The following PCDHGB2 variants were observed in gnomAD, a reference collection of about 807,000 sequenced individuals.
PCDHGB2 encodes protocadherin gamma subfamily B, 2.
In PCDHGB2, 55 loss-of-function variants were observed where a neutral mutation model predicts 59.3. The observed-to-expected ratio is 0.93, with a 90% CI of 0.75 to 1.16. PCDHGB2 has a LOEUF of 1.16. Among genes scored for constraint, PCDHGB2 ranks in the 50% most tolerant of loss-of-function variants. The probability of loss-of-function intolerance (pLI) is 0.00; values close to 1 mark genes in which losing one functional copy is unlikely to be tolerated. For missense variants in PCDHGB2, 1,228 were observed against 1,198.5 expected (o/e 1.02, Z -0.36); for synonymous variants, 516 against 512.0 (o/e 1.01, Z -0.11).
chr5:141,428,338 T>G, intron 1 of PCDHGB2: 7 of 592,492 alleles, frequency 1.2e-5, no homozygotes, highest in East Asian at 3.1e-5. Flanking sequence ...TATGCTCTTC[T>G]TCCTCGCAGT....
chr5:141,365,396 A>G lies in PCDHGB2; in HGVS notation c.2421+2840A>G, dbSNP rs554930491. ...GATCCTCACCTCTCTGACCAGTTCG[A>G]TCTCTGAAGACTGTCTTCCCGGAAC... On this transcript the variant is annotated intron_variant, in intron 1 of 3. Coordinates refer to ENST00000522605, the MANE Select transcript of PCDHGB2 (RefSeq NM_018923.3). The G allele has an allele frequency of 3.7e-6, 6 of 1,613,940 alleles. No individual in the cohort carries two copies. The Admixed American group carries it at 1.0e-4, about 27-fold the overall frequency.
chr5:141,375,290 C>T (rs763674664), intron 1 of PCDHGB2: 14 of 1,613,672 alleles, frequency 8.7e-6, no homozygotes, highest in African/African-American at 2.7e-5. Flanking sequence ...CAATTATTAT[C>T]GATTAGTGAC....
chr5:141,487,718 A>G lies in PCDHGB2; in HGVS notation c.2422-7089A>G. Reference sequence around the variant, plus strand: ...TACTGGCCTCTCAGTAAGTGCCCATAGTGATGTCACCATTTTTGTAAGAGG... The same window carrying G: ...TACTGGCCTCTCAGTAAGTGCCCATGGTGATGTCACCATTTTTGTAAGAGG... On this transcript the variant is annotated intron_variant, in intron 1 of 3. Coordinates refer to ENST00000522605, the MANE Select transcript of PCDHGB2 (RefSeq NM_018923.3). The surrounding 1 kb of genome is among the most constrained non-coding windows in gnomAD (Gnocchi z 5.0). The G allele has an allele frequency of 1.3e-6, 2 of 1,580,268 alleles. No individual in the cohort carries two copies. The highest frequency in any genetic ancestry group is 1.7e-6 in the Non-Finnish European group (2 of 1,161,186).
intron 1 of PCDHGB2, chr5:141,366,681 G>T (rs1190460082): frequency 1.2e-6 from 2 of 1,614,160 alleles, no homozygotes; most frequent in Non-Finnish European, 1.7e-6. Context: ...AGTGAAGAGA[G>T]CTGTGAGAAA....
At chr5:141,450,796 G>GTATT (rs1490825772) in intron 1 of PCDHGB2, among the ~76,000 whole-genome samples, 8 of 145,976 alleles carry the variant, frequency 5.5e-5, no homozygotes, top group African/African-American at 1.8e-4. Flanking sequence ...CCTCATGATT[G>GTATT]TATTTATTTA....
chr5:141,410,419 TC>T (rs769125626), intron 1 of PCDHGB2: 1 of 1,613,886 alleles, frequency 6.2e-7, no homozygotes, highest in South Asian at 1.1e-5. Flanking sequence ...GACCTGTAGT[TC>T]CCCCCAACTA....
At chr5:141,407,549 T>C (rs1159197129) in intron 1 of PCDHGB2, among the ~76,000 whole-genome samples, 4 of 151,912 alleles carry the variant, frequency 2.6e-5, no homozygotes, top group African/African-American at 9.7e-5. Flanking sequence ...TAACAGATTG[T>C]AGAACATAAG....
At chr5:141,399,732 G>C (rs1270192367) in intron 1 of PCDHGB2, 27 of 1,613,174 alleles carry the variant, frequency 1.7e-5, no homozygotes, top group Non-Finnish European at 2.0e-5. Context: ...ACCAGGGCTC[G>C]CCTGCGCTCA....
Position 141,362,072 on chromosome 5 carries a change from T to G in PCDHGB2, c.1937T>G (p.Val646Gly), listed in dbSNP as rs754972380. 1 of 1,612,748 alleles carries G rather than the reference T, an allele frequency of 6.2e-7. No homozygotes were observed. The highest frequency in any genetic ancestry group is 8.5e-7 in the Non-Finnish European group (1 of 1,179,798). ...DAARQRLLVA[V>G]RDGGQPPLSA... is the part of the protein sequence containing the mutation. ...GCCCGCCAGCGCCTGCTGGTCGCTG[T>G]GCGTGATGGAGGACAGCCGCCACTC... The change falls in exon 1 of 4, where the codon GTG (valine) becomes GGG (glycine). Residue 646 changes from valine to glycine, a missense_variant. By Grantham distance (109) the Val-to-Gly change is moderately radical. Coordinates refer to ENST00000522605, the MANE Select transcript of PCDHGB2 (RefSeq NM_018923.3).
intron 1 of PCDHGB2, among the ~76,000 whole-genome samples, chr5:141,434,345 G>C (rs1254991411): frequency 1.3e-5 from 2 of 152,144 alleles, no homozygotes; most frequent in African/African-American, 4.8e-5. Flanking sequence ...GTCGGGAACA[G>C]GCCCCCCAAA....
At chr5:141,507,815 C>G (rs936926937) in intron 3 of PCDHGB2, among the ~76,000 whole-genome samples, 2 of 152,204 alleles carry the variant, frequency 1.3e-5, no homozygotes, top group African/African-American at 4.8e-5. Context: ...GGAACGGACC[C>G]TGGGGGTGGA....
At position 141,384,937 on chromosome 5, in the gene PCDHGB2, C is replaced by T. The variant is rs373048330; in HGVS notation, c.2421+22381C>T. ...CTTGGCCGACCTGGGCAGCCTTGAG[C>T]CCTCCGACGGTCCTTACAACTATGA... On this transcript the variant is annotated intron_variant, in intron 1 of 3. Coordinates refer to ENST00000522605, the MANE Select transcript of PCDHGB2 (RefSeq NM_018923.3). 4.5e-5 allele frequency: 72 copies of T among 1,613,950 alleles called. No homozygotes were observed. The highest frequency in any genetic ancestry group is 2.3e-4 in the Admixed American group (14 of 60,012).
intron 1 of PCDHGB2, among the ~76,000 whole-genome samples, chr5:141,453,692 C>G (rs1182118927): frequency 6.6e-6 from 1 of 152,146 alleles, no homozygotes; most frequent in African/African-American, 2.4e-5. Flanking sequence ...GTAGGTAGTC[C>G]TGGCTTTGAA....
At chr5:141,408,990 AAGTGAC>A (rs769374488) in intron 1 of PCDHGB2, 2 of 1,613,984 alleles carry the variant, frequency 1.2e-6, no homozygotes, top group Non-Finnish European at 1.7e-6. Flanking sequence ...CCTGTGTTGC[AAGTGAC>A]AGCCACTGAC....
intron 2 of PCDHGB2, among the ~76,000 whole-genome samples, chr5:141,505,122 A>G (rs2099843899): frequency 6.6e-6 from 1 of 152,194 alleles, no homozygotes; most frequent in Non-Finnish European, 1.5e-5. Context: ...AGATCGCGCC[A>G]CTGCACTCCA....
chr5:141,490,004 C>A lies in PCDHGB2; in HGVS notation c.2422-4803C>A. The A allele has an allele frequency of 6.2e-7, 1 of 1,614,174 alleles. No homozygotes were observed. The highest frequency in any genetic ancestry group is 1.7e-5 in the Admixed American group (1 of 60,034). On this transcript the variant is annotated intron_variant, in intron 1 of 3. Transcript: ENST00000522605. The surrounding 1 kb of genome is among the most constrained non-coding windows in gnomAD (Gnocchi z 5.4). ...CTACGTGTGGGAATCCCAGAGAATGCACCCATTGGTACTCTGCTGCTCCGC... is the reference window on the plus strand; with the variant it reads ...CTACGTGTGGGAATCCCAGAGAATGAACCCATTGGTACTCTGCTGCTCCGC...
In PCDHGB2 at chr5:141,485,470, T is replaced by C; in HGVS notation, c.2422-9337T>C. ...ACCGAGAGGCACTGTGTGGGCTCAG[T>C]GCCAGCTGCATCGTGCCCCTGGAGT... On this transcript the variant is annotated intron_variant, in intron 1 of 3. Coordinates refer to ENST00000522605, the MANE Select transcript of PCDHGB2 (RefSeq NM_018923.3). This position sits in a 1 kb window ranked among gnomAD's most constrained non-coding sequence, Gnocchi z 5.7. 1.9e-6 allele frequency: 3 copies of C among 1,614,110 alleles called. No individual in the cohort carries two copies. The highest frequency in any genetic ancestry group is 2.5e-6 in the Non-Finnish European group (3 of 1,180,002).
At chr5:141,381,603 T>C (rs751788788) in intron 1 of PCDHGB2, among the ~76,000 whole-genome samples, 4 of 152,242 alleles carry the variant, frequency 2.6e-5, no homozygotes, top group African/African-American at 4.8e-5. Context: ...TTCTTATGAA[T>C]TCACAGCCCA....
chr5:141,490,549 C>T lies in PCDHGB2; in HGVS notation c.2422-4258C>T, dbSNP rs2099701539. ...TGCTGGTTCACCTTCCCTACACAAA[C>T]ATCTCACCATCAGGCTCAACATTTC... On this transcript the variant is annotated intron_variant, in intron 1 of 3. Transcript: ENST00000522605. The surrounding 1 kb of genome is among the most constrained non-coding windows in gnomAD (Gnocchi z 5.4). The T allele has an allele frequency of 1.9e-6, 3 of 1,614,178 alleles. No homozygotes were observed. The highest frequency in any genetic ancestry group is 1.7e-6 in the Non-Finnish European group (2 of 1,180,024).
Sources: gnomAD v4.1 joint callset for allele counts (sites outside exome capture counted in the v4.1 genomes callset) on GRCh38, gnomAD v4.1.1 for gene constraint, Gnocchi (gnomAD v3.1) non-coding constraint, MANE v1.5 for transcripts, NCBI Gene and HGNC (gene_info 2026-07-23, HGNC 2026-07-21) for gene names.